Variants in RBFOX1 observed in about 807,000 individuals in gnomAD.
The protein encoded by RBFOX1 is RNA binding fox-1 homolog 1, also known as RNA binding protein fox-1 homolog 1.
A neutral mutation model predicts 57.7 loss-of-function variants in RBFOX1; 8 were observed. The ratio of observed to expected loss-of-function variants is 0.14; its 90% CI spans 0.08 to 0.25. The LOEUF (loss-of-function observed/expected upper bound fraction) is 0.25. RBFOX1 is among the 10% of genes least tolerant of loss of function. The pLI, the probability that RBFOX1 is intolerant of heterozygous loss-of-function variation, is 1.00. For synonymous variants in RBFOX1, 326 were observed against 222.4 expected (o/e 1.47, Z -4.15); for missense variants, 611 against 548.5 (o/e 1.11, Z -1.14).
At chr16:5,779,795 C>A (rs1294965476) in intron 3 of RBFOX1, among the ~76,000 whole-genome samples, 1 of 152,216 alleles carries the variant, frequency 6.6e-6, no homozygotes, top group Admixed American at 6.5e-5. Context: ...GAGGCCACGA[C>A]TGTCTTGTCT....
chr16:6,715,457 A>G (rs1275570366), intron 3 of RBFOX1, among the ~76,000 whole-genome samples: 2 of 152,168 alleles, frequency 1.3e-5, no homozygotes, highest in South Asian at 4.1e-4. Context: ...AATGATTGCC[A>G]AGTTTATAAT....
intron 2 of RBFOX1, among the ~76,000 whole-genome samples, chr16:6,351,205 G>T (rs1227393337): frequency 2.0e-5 from 3 of 151,532 alleles, no homozygotes; most frequent in Admixed American, 2.0e-4. Flanking sequence ...TTTCATGTGT[G>T]CGGATAGTAA....
rs116667509 is a variant in RBFOX1, at chr16:6,785,889, C to T, written c.-16+131239C>T. On this transcript the variant is annotated intron_variant, in intron 3 of 15. Transcript: ENST00000550418. ...AAAACTGATGCTGCTCCTCAGGCTC[C>T]GCTTAGCATTTACAAAAAATGGCAC... Among the ~76,000 whole-genome samples the T allele has an allele frequency of 4.8e-3, 730 of 152,246 alleles. 4 individuals are homozygous for T. The highest frequency in any genetic ancestry group is 0.016 in the African/African-American group (645 of 41,528).
intron 3 of RBFOX1, among the ~76,000 whole-genome samples, chr16:5,639,532 TG>T (rs2048793358): frequency 6.6e-6 from 1 of 152,336 alleles, no homozygotes; most frequent in African/African-American, 2.4e-5. Context: ...GACTGAGTAG[TG>T]GCTTCCCTTT....
chr16:6,366,974 A>G (rs1394941600), intron 2 of RBFOX1, among the ~76,000 whole-genome samples: 1 of 152,142 alleles, frequency 6.6e-6, no homozygotes, highest in Non-Finnish European at 1.5e-5. Context: ...GCACATGACA[A>G]TTTTATGTAC....
At chr16:7,436,063 C>G (rs1321945468) in intron 4 of RBFOX1, among the ~76,000 whole-genome samples, 1 of 152,164 alleles carries the variant, frequency 6.6e-6, no homozygotes, top group East Asian at 1.9e-4. Context: ...GTGAGAATTT[C>G]TTTCCACAGA....
rs144080962 is a variant in RBFOX1, at chr16:7,446,433, C to T, written c.28-71714C>T. Reference sequence around the variant, plus strand: ...AGTATAACTAGACAATTATTTTCAGCAAGTTCTCCCTCACTGTTGTGGGGT... The same window carrying T: ...AGTATAACTAGACAATTATTTTCAGTAAGTTCTCCCTCACTGTTGTGGGGT... On this transcript the variant is annotated intron_variant, in intron 4 of 15. Coordinates refer to ENST00000550418, the MANE Select transcript of RBFOX1 (RefSeq NM_018723.4). Among the ~76,000 whole-genome samples the T allele has an allele frequency of 4.7e-4, 71 of 152,296 alleles. 2 individuals are homozygous for T. In the East Asian group the frequency reaches 0.013, roughly 28 times the overall value.
chr16:5,642,723 T>A (rs973837358), intron 3 of RBFOX1, among the ~76,000 whole-genome samples: 9 of 152,080 alleles, frequency 5.9e-5, no homozygotes, highest in Non-Finnish European at 1.2e-4. Context: ...GGAGGACTCA[T>A]GTGCTCCCGG....
At chr16:7,031,240 A>T (rs568684566) in intron 3 of RBFOX1, among the ~76,000 whole-genome samples, 10 of 152,178 alleles carry the variant, frequency 6.6e-5, no homozygotes, top group Non-Finnish European at 1.3e-4. Flanking sequence ...TGACTCCTCT[A>T]TTTACTCATG....
At chr16:6,204,836 G>A (rs891362045) in intron 1 of RBFOX1, among the ~76,000 whole-genome samples, 5 of 152,008 alleles carry the variant, frequency 3.3e-5, no homozygotes, top group Non-Finnish European at 5.9e-5. Flanking sequence ...TCATAAACCC[G>A]TAGCTTTCTG....
rs118147522 is a variant in RBFOX1 at position 5,941,857 on chromosome 16, A to G, written c.351+74522A>G. On this transcript the variant is annotated intron_variant, in intron 4 of 19. Coordinates refer to the RBFOX1 transcript ENST00000641259. ...GAGCCAGCGTTAGTATGGATGACGC[A>G]GTACATCCCCTTTTCCGGCCTGAGT... Among the ~76,000 whole-genome samples the G allele has an allele frequency of 7.1e-4, 108 of 152,154 alleles. 1 individual carries two copies. In the East Asian group the frequency reaches 0.018, roughly 25 times the overall value.
chr16:6,998,365 A>G (rs1568295488), intron 3 of RBFOX1, among the ~76,000 whole-genome samples: 1 of 152,196 alleles, frequency 6.6e-6, no homozygotes, highest in East Asian at 1.9e-4. Context: ...CCAAGAAATA[A>G]TAAGATGCTA....
intron 4 of RBFOX1, among the ~76,000 whole-genome samples, chr16:5,895,110 A>C (rs1054240113): frequency 6.6e-5 from 10 of 152,202 alleles, no homozygotes; most frequent in African/African-American, 2.4e-4. Context: ...ATCCACATTT[A>C]AGGGGTATTT....
chr16:5,499,386 C>T (rs539493486), intron 2 of RBFOX1, among the ~76,000 whole-genome samples: 18 of 152,122 alleles, frequency 1.2e-4, no homozygotes, highest in Non-Finnish European at 2.2e-4. Flanking sequence ...TCCTGTCTCC[C>T]TTCTGCTCAC....
At chr16:6,891,430 G>T (rs7193512) in intron 3 of RBFOX1, among the ~76,000 whole-genome samples, 1 of 151,828 alleles carries the variant, frequency 6.6e-6, no homozygotes, top group Non-Finnish European at 1.5e-5. Flanking sequence ...CTACCTAATA[G>T]TACCTTGTTG....
In RBFOX1 at chr16:6,029,842, A is replaced by G. The variant is rs183543778; in HGVS notation, c.-127+9850A>G. On this transcript the variant is annotated intron_variant, in intron 1 of 15. Coordinates refer to ENST00000550418, the MANE Select transcript of RBFOX1 (RefSeq NM_018723.4). Reference sequence around the variant, plus strand: ...TGTAGGTGAGGGATAAGAACCAAGAACTTCTGGTAAGAACCCAGCAGGACA... The same window carrying G: ...TGTAGGTGAGGGATAAGAACCAAGAGCTTCTGGTAAGAACCCAGCAGGACA... Among the ~76,000 whole-genome samples, 894 of 152,094 alleles carry G rather than the reference A, an allele frequency of 5.9e-3. 10 individuals are homozygous for G. Among genetic ancestry groups the G allele is most frequent in the African/African-American group, 0.016 (660 of 41,508 alleles).
At chr16:7,648,180 C>T (rs1204673954) in intron 11 of RBFOX1, among the ~76,000 whole-genome samples, 1 of 152,124 alleles carries the variant, frequency 6.6e-6, no homozygotes, top group Non-Finnish European at 1.5e-5. Context: ...TGCGAAGAAG[C>T]CATGTTGTCC....
chr16:7,184,146 G>C (rs1359888149), intron 4 of RBFOX1, among the ~76,000 whole-genome samples: 3 of 152,186 alleles, frequency 2.0e-5, no homozygotes, highest in Non-Finnish European at 4.4e-5. Context: ...TTGTGTATTT[G>C]AAGATCATAA....
chr16:5,785,181 C>T (rs2054458716), intron 3 of RBFOX1, among the ~76,000 whole-genome samples: 1 of 152,206 alleles, frequency 6.6e-6, no homozygotes, highest in African/African-American at 2.4e-5. Flanking sequence ...ACGGTCCTTG[C>T]TATGTGGTAT....
Sources: gnomAD v4.1 joint callset for allele counts (sites outside exome capture counted in the v4.1 genomes callset) on GRCh38, gnomAD v4.1.1 for gene constraint, MANE v1.5 for transcripts, NCBI Gene and HGNC (gene_info 2026-07-23, HGNC 2026-07-21) for gene names.